Variants in EHBP1 observed in about 807,000 individuals in gnomAD.
EHBP1 encodes EH domain-binding protein 1.
EHBP1 carries 55 observed loss-of-function variants against 144.0 expected under a neutral mutation model. That is an observed-to-expected ratio of 0.38 (90% CI 0.31 to 0.48). The LOEUF (loss-of-function observed/expected upper bound fraction) is 0.48, where lower values mean the gene tolerates loss of function less well. EHBP1 is among the 20% of genes least tolerant of loss of function. The probability of loss-of-function intolerance (pLI) is 0.98; values close to 1 mark genes in which losing one functional copy is unlikely to be tolerated. For missense variants in EHBP1, 1,200 were observed against 1,364.2 expected (o/e 0.88, Z 1.90); for synonymous variants, 469 against 472.7 (o/e 0.99, Z 0.10).
At chr2:62,702,422 C>G (rs1196409330), upstream of EHBP1, among the ~76,000 whole-genome samples, 1 of 152,098 alleles carries the variant, frequency 6.6e-6, no homozygotes, top group Non-Finnish European at 1.5e-5. Flanking sequence ...GGGGCAGACA[C>G]AGTGGGCAAT....
chr2:62,912,019 T>C (rs1028469836), intron 10 of EHBP1, among the ~76,000 whole-genome samples: 3 of 152,210 alleles, frequency 2.0e-5, no homozygotes, highest in South Asian at 2.1e-4. Flanking sequence ...TTATTCTGCA[T>C]GGCACCTAGA....
At chr2:63,026,651 A>G (rs564263807) in intron 19 of EHBP1, among the ~76,000 whole-genome samples, 1 of 152,190 alleles carries the variant, frequency 6.6e-6, no homozygotes, top group Non-Finnish European at 1.5e-5. Context: ...TTTTCATTGA[A>G]TGGCCATTTC....
intron 19 of EHBP1, among the ~76,000 whole-genome samples, chr2:63,030,609 T>C (rs1267358427): frequency 2.0e-5 from 3 of 151,792 alleles, no homozygotes; most frequent in Non-Finnish European, 4.4e-5. Context: ...TGCCTCAGCC[T>C]CCCAAGTAGC....
chr2:62,695,874 A>G (rs2034070004), intron 1 of EHBP1, among the ~76,000 whole-genome samples: 1 of 151,622 alleles, frequency 6.6e-6, no homozygotes, highest in South Asian at 2.1e-4. Flanking sequence ...CACCGCACCC[A>G]GCTAATTTTT....
intron 5 of EHBP1, among the ~76,000 whole-genome samples, chr2:62,819,034 T>C (rs2045669229): frequency 6.6e-6 from 1 of 152,168 alleles, no homozygotes; most frequent in Non-Finnish European, 1.5e-5. Context: ...ATGAGGCTAA[T>C]GTAACCAGGG....
chr2:63,010,395 A>G (rs1408166136), intron 19 of EHBP1, among the ~76,000 whole-genome samples: 1 of 151,556 alleles, frequency 6.6e-6, no homozygotes, highest in Non-Finnish European at 1.5e-5. Context: ...CAATACCTAA[A>G]TGTCTCAAGG....
chr2:62,715,692 C>T (rs2035602143), intron 2 of EHBP1, among the ~76,000 whole-genome samples: 1 of 151,898 alleles, frequency 6.6e-6, no homozygotes, highest in Non-Finnish European at 1.5e-5. Context: ...AGGTATGGAC[C>T]CAGAAGGAAT....
chr2:62,869,474 CTG>C (rs2050294289), intron 9 of EHBP1, among the ~76,000 whole-genome samples: 1 of 152,150 alleles, frequency 6.6e-6, no homozygotes, highest in African/African-American at 2.4e-5. Context: ...GAGGAACAAA[CTG>C]TTGGTAAATT....
intron 7 of EHBP1, among the ~76,000 whole-genome samples, chr2:62,858,052 T>C (rs1212572366): frequency 6.6e-6 from 1 of 152,170 alleles, no homozygotes; most frequent in Non-Finnish European, 1.5e-5. Context: ...AGTATATATA[T>C]TTTGTTCTGT....
In EHBP1 at chr2:62,940,541, CAACA is replaced by C. The variant is rs577163797; in HGVS notation, c.1186-2172_1186-2169del. ...CTGTAAAATCAAGAGCCAGCTGTAA[CAACA>C]AACAGTTTCATCCAATTATGTACTG... On this transcript the variant is annotated intron_variant, in intron 10 of 22. Coordinates refer to ENST00000431489, the MANE Select transcript of EHBP1 (RefSeq NM_001142616.3). Among the ~76,000 whole-genome samples the C allele has an allele frequency of 2.0e-4, 30 of 152,282 alleles. No homozygotes were observed. The East Asian group carries it at 4.0e-3, about 21-fold the overall frequency.
chr2:62,976,165 T>C (rs896716860), intron 14 of EHBP1, among the ~76,000 whole-genome samples: 1 of 152,220 alleles, frequency 6.6e-6, no homozygotes, highest in Non-Finnish European at 1.5e-5. Flanking sequence ...ATTCAATTCA[T>C]TGCAGTCATT....
chr2:62,942,293 AAAAATTTG>A (rs2056801950), intron 10 of EHBP1, among the ~76,000 whole-genome samples: 1 of 152,184 alleles, frequency 6.6e-6, no homozygotes, highest in South Asian at 2.1e-4. Context: ...TTCCACTGTT[AAAAATTTG>A]TGTTACATTT....
intron 19 of EHBP1, among the ~76,000 whole-genome samples, chr2:62,998,098 T>C (rs551156330): frequency 1.3e-5 from 2 of 152,298 alleles, no homozygotes; most frequent in Admixed American, 6.5e-5. Context: ...GAGACAGGCA[T>C]AGGAAATGTT....
intron 5 of EHBP1, among the ~76,000 whole-genome samples, chr2:62,792,254 G>T (rs1255769083): frequency 6.6e-6 from 1 of 152,028 alleles, no homozygotes; most frequent in Non-Finnish European, 1.5e-5. Context: ...GCTACAGAAT[G>T]ATGGTACTAT....
chr2:62,711,549 G>C (rs1370466057), intron 2 of EHBP1, among the ~76,000 whole-genome samples: 2 of 152,146 alleles, frequency 1.3e-5, no homozygotes, highest in Non-Finnish European at 2.9e-5. Context: ...AAACTCAGAG[G>C]CTGGATCATC....
At chr2:62,739,860 C>T (rs1016061074) in intron 2 of EHBP1, among the ~76,000 whole-genome samples, 1 of 149,994 alleles carries the variant, frequency 6.7e-6, no homozygotes, top group Admixed American at 6.7e-5. Context: ...TGCTTGAGTC[C>T]AGGAGTCTGA....
chr2:62,712,310 T>C (rs2035227800), intron 2 of EHBP1, among the ~76,000 whole-genome samples: 1 of 152,044 alleles, frequency 6.6e-6, no homozygotes, highest in South Asian at 2.1e-4. Flanking sequence ...CTCAGGGAAA[T>C]GATATAAGAA....
chr2:62,761,593 C>T (rs1345703638), intron 3 of EHBP1, among the ~76,000 whole-genome samples: 1 of 152,142 alleles, frequency 6.6e-6, no homozygotes, highest in African/African-American at 2.4e-5. Context: ...GTTTGTCCCT[C>T]AGTTTTTCAA....
intron 10 of EHBP1, among the ~76,000 whole-genome samples, chr2:62,933,816 T>C (rs1180390895): frequency 6.6e-6 from 1 of 152,200 alleles, no homozygotes; most frequent in African/African-American, 2.4e-5. Context: ...ATGGTTTACT[T>C]TTGACTGATT....
Sources: allele counts gnomAD v4.1 joint callset (sites outside exome capture counted in the v4.1 genomes callset), GRCh38; gene constraint gnomAD v4.1.1; transcripts MANE v1.5; gene names NCBI Gene and HGNC (gene_info 2026-07-23, HGNC 2026-07-21).